RAB6A: variants seen among roughly 807,000 people sequenced by gnomAD.
RAB6A encodes the protein ras-related protein Rab-6A.
RAB6A carries 8 observed loss-of-function variants against 32.3 expected under a neutral mutation model. The observed-to-expected ratio is 0.25, with a 90% CI of 0.15 to 0.45. The LOEUF (loss-of-function observed/expected upper bound fraction) is 0.45, where lower values mean the gene tolerates loss of function less well. Among genes scored for constraint, RAB6A ranks in the 20% least tolerant of loss-of-function variants. The pLI is 1.00. For missense variants in RAB6A, 104 were observed against 249.4 expected (o/e 0.42, Z 3.93); for synonymous variants, 73 against 82.1 (o/e 0.89, Z 0.60).
At chr11:73,742,431 C>T (rs193230837) in intron 1 of RAB6A, among the ~76,000 whole-genome samples, 47 of 152,222 alleles carry the variant, frequency 3.1e-4, no homozygotes, top group African/African-American at 1.1e-3. Context: ...ATCCACCACA[C>T]GCAGACAAAA....
intron 5 of RAB6A, among the ~76,000 whole-genome samples, chr11:73,715,814 A>C (rs530523146): frequency 1.4e-4 from 22 of 152,260 alleles, no homozygotes; most frequent in African/African-American, 5.1e-4. Context: ...AAAAACCAAC[A>C]ACCAAAAAAC....
At chr11:73,744,932 G>A (rs887092302) in intron 1 of RAB6A, among the ~76,000 whole-genome samples, 10 of 147,346 alleles carry the variant, frequency 6.8e-5, no homozygotes, top group African/African-American at 2.5e-4. Flanking sequence ...CCGAGATCGC[G>A]CCACTGCACT....
intron 1 of RAB6A, among the ~76,000 whole-genome samples, chr11:73,740,152 A>G (rs895918371): frequency 6.6e-6 from 1 of 152,180 alleles, no homozygotes; most frequent in African/African-American, 2.4e-5. Flanking sequence ...CTTGGTCAAT[A>G]ACATTGGCCA....
intron 5 of RAB6A, among the ~76,000 whole-genome samples, chr11:73,709,640 T>C (rs1300037811): frequency 6.7e-6 from 1 of 150,058 alleles, no homozygotes; most frequent in East Asian, 1.9e-4. Flanking sequence ...AGCCCCACTG[T>C]TTACATTTTC....
intron 6 of RAB6A, among the ~76,000 whole-genome samples, chr11:73,684,955 C>T (rs371693391): frequency 6.6e-6 from 1 of 152,214 alleles, no homozygotes; most frequent in Non-Finnish European, 1.5e-5. Context: ...TAGTAGTTTG[C>T]TCTCAGACTT....
chr11:73,699,276 G>C (rs1046884057), intron 6 of RAB6A, among the ~76,000 whole-genome samples: 3 of 150,968 alleles, frequency 2.0e-5, no homozygotes, highest in East Asian at 3.9e-4. Flanking sequence ...TAATTTTTTT[G>C]AATCAAGGGT....
intron 2 of RAB6A, chr11:73,729,563 C>T (rs1023539216): frequency 1.1e-4 from 17 of 151,830 alleles, no homozygotes; most frequent in African/African-American, 3.9e-4. Flanking sequence ...TGTTTTTCTG[C>T]TCTCTCTTTC....
Position 73,723,607 on chromosome 11 carries a change from C to T in RAB6A, c.130-2708G>A, listed in dbSNP as rs148289701. ...GCCTCCCAAAGTGCTGGGATTACAG[C>T]CATGAGCCACTGCGCCTGGCCGAAA... On this transcript the variant is annotated intron_variant, in intron 2 of 7. Coordinates refer to ENST00000336083, the MANE Select transcript of RAB6A (RefSeq NM_198896.2). Among the ~76,000 whole-genome samples, 1,001 of 152,116 alleles carry T rather than the reference C, an allele frequency of 6.6e-3. 14 individuals carry two copies. The highest frequency in any genetic ancestry group is 0.023 in the African/African-American group (957 of 41,502).
At chr11:73,697,157 G>T (rs140959584) in intron 6 of RAB6A, among the ~76,000 whole-genome samples, 171 of 152,026 alleles carry the variant, frequency 1.1e-3, no homozygotes, top group Middle Eastern at 3.4e-3. Context: ...CTTGAAGCTT[G>T]GCATGCTCTT....
chr11:73,706,030 A>G (rs1032767489), intron 6 of RAB6A, among the ~76,000 whole-genome samples: 16 of 152,222 alleles, frequency 1.1e-4, no homozygotes, highest in African/African-American at 3.6e-4. Context: ...CACAGGTATC[A>G]AACCATGACC....
intron 6 of RAB6A, among the ~76,000 whole-genome samples, chr11:73,686,103 G>A (rs188760070): frequency 2.0e-5 from 3 of 152,242 alleles, no homozygotes; most frequent in Non-Finnish European, 4.4e-5. Flanking sequence ...AGATGTGGGG[G>A]TTGGGGGAGA....
chr11:73,678,924 C>G (rs1448762971), intron 7 of RAB6A, among the ~76,000 whole-genome samples: 1 of 151,850 alleles, frequency 6.6e-6, no homozygotes, highest in Non-Finnish European at 1.5e-5. Context: ...CAAGGTTTCT[C>G]CATGTTGGTC....
intron 4 of RAB6A, 115 bp from the exon 5 acceptor site, chr11:73,716,477 C>A (rs1946055091): frequency 8.0e-6 from 5 of 626,574 alleles, no homozygotes; most frequent in Non-Finnish European, 1.1e-5. Context: ...CACATTAGTA[C>A]CCCACTTTTA....
chr11:73,712,380 T>C (rs1445711898), intron 5 of RAB6A, among the ~76,000 whole-genome samples: 1 of 151,362 alleles, frequency 6.6e-6, no homozygotes, highest in Non-Finnish European at 1.5e-5. Context: ...TGAGACAGTC[T>C]CACTCTGTTA....
intron 6 of RAB6A, among the ~76,000 whole-genome samples, chr11:73,686,834 A>G (rs1590824351): frequency 2.0e-5 from 3 of 152,246 alleles, no homozygotes; most frequent in Middle Eastern, 6.8e-3. Flanking sequence ...CATAACATCT[A>G]TTTTAACATT....
chr11:73,690,797 G>A (rs1401493812), intron 6 of RAB6A, among the ~76,000 whole-genome samples: 1 of 151,206 alleles, frequency 6.6e-6, no homozygotes, highest in African/African-American at 2.4e-5. Context: ...CCGGGTATGG[G>A]GGACAGGGAA....
chr11:73,759,931 ACCCCCAACCACCCC>A, intron 1 of RAB6A: 2 of 684,648 alleles, frequency 2.9e-6, no homozygotes, highest in Non-Finnish European at 4.3e-6. Context: ...TACCCCTTTC[ACCCCCAACCACCCC>A]ATGCTCAAGT....
At chr11:73,741,144 C>T (rs1946489864) in intron 1 of RAB6A, among the ~76,000 whole-genome samples, 2 of 151,758 alleles carry the variant, frequency 1.3e-5, no homozygotes, top group Non-Finnish European at 1.5e-5. Context: ...ATACTCCTTC[C>T]CCCCACCCCC....
At chr11:73,754,977 C>A (rs1021216626) in intron 1 of RAB6A, among the ~76,000 whole-genome samples, 8 of 151,942 alleles carry the variant, frequency 5.3e-5, no homozygotes, top group African/African-American at 1.9e-4. Context: ...GGCTGGAGTG[C>A]AATGGCGTGA....
Sources: allele counts gnomAD v4.1 joint callset (sites outside exome capture counted in the v4.1 genomes callset), GRCh38; gene constraint gnomAD v4.1.1; transcripts MANE v1.5; gene names NCBI Gene and HGNC (gene_info 2026-07-23, HGNC 2026-07-21).